Variants in DBT observed in about 807,000 individuals in gnomAD.
DBT encodes the protein dihydrolipoamide branched chain transacylase E2.
A neutral mutation model predicts 51.3 loss-of-function variants in DBT; 40 were observed. The ratio of observed to expected loss-of-function variants is 0.78; its 90% confidence interval spans 0.61 to 1.02. The LOEUF (loss-of-function observed/expected upper bound fraction) is 1.02, where lower values mean the gene tolerates loss of function less well. DBT is among the 50% of genes least tolerant of loss of function. The pLI is 0.00. For synonymous variants in DBT, 181 were observed against 190.4 expected (o/e 0.95, Z 0.41); for missense variants, 510 against 580.2 (o/e 0.88, Z 1.24).
chr1:100,213,364 G>A lies in DBT; in HGVS notation c.939+1453C>T, dbSNP rs59224651. Reference sequence around the variant, plus strand: ...TGGAGGCCGGCCAGGGCGACTACGCGTGAGGCCCGCACGGCTACGGCGCCA... The same window carrying A: ...TGGAGGCCGGCCAGGGCGACTACGCATGAGGCCCGCACGGCTACGGCGCCA... On this transcript the variant is annotated intron_variant, in intron 7 of 10. Transcript: ENST00000370132. The A allele has an allele frequency of 3.8e-3, 5,817 of 1,540,240 alleles. 182 individuals are homozygous for A. The African/African-American group carries it at 0.069, about 18-fold the overall frequency.
chr1:100,189,351 TAA>T lies in DBT; in HGVS notation c.*6902_*6903del, dbSNP rs71709231. On this transcript the variant is annotated 3_prime_UTR_variant, in exon 11 of 11. Coordinates refer to ENST00000370132, the MANE Select transcript of DBT (RefSeq NM_001918.5). ...CAGAGTGAGACTCCATCTCAAAAAT[TAA>T]AAAAAAAAAAAAAAAAAGCCTGTGG... The T allele has an allele frequency of 7.3e-3, 1,045 of 143,288 alleles. 3 individuals are homozygous for T. The highest frequency in any genetic ancestry group is 7.3e-3 in the Middle Eastern group (2 of 274). 8.9% of individuals were successfully genotyped at this position (143,288 alleles called of 1,614,324 possible).
chr1:100,205,647 A>C (rs1661712402), intron 10 of DBT, among the ~76,000 whole-genome samples: 1 of 152,246 alleles, frequency 6.6e-6, no homozygotes, highest in Admixed American at 6.5e-5. Context: ...AGACACATGC[A>C]CATGTATGTT....
chr1:100,222,982 A>G (rs975276817), intron 4 of DBT, among the ~76,000 whole-genome samples: 9 of 152,092 alleles, frequency 5.9e-5, no homozygotes, highest in African/African-American at 1.9e-4. Context: ...TTCTTAATCA[A>G]CTTGGTTATA....
intron 1 of DBT, 64 bp downstream of exon 1, chr1:100,249,706 C>G: frequency 2.0e-6 from 3 of 1,518,674 alleles, no homozygotes; most frequent in Non-Finnish European, 1.8e-6. Flanking sequence ...AGTAAAACAC[C>G]ACTCCTGGAT....
intron 7 of DBT, among the ~76,000 whole-genome samples, chr1:100,213,105 A>G (rs1483542790): frequency 6.6e-6 from 1 of 152,242 alleles, no homozygotes; most frequent in Non-Finnish European, 1.5e-5. Context: ...GTCCTTAACA[A>G]GTTTCTCAAC....
chr1:100,197,506 A>C (rs1309131581), intron 10 of DBT, among the ~76,000 whole-genome samples: 1 of 152,200 alleles, frequency 6.6e-6, no homozygotes, highest in Non-Finnish European at 1.5e-5. Context: ...GTAAGTTCAA[A>C]AGTGAGGTCC....
chr1:100,240,998 A>G, intron 1 of DBT, 114 bp from the exon 2 acceptor site: 1 of 1,049,624 alleles, frequency 9.5e-7, no homozygotes. Context: ...GTCACAATAG[A>G]AATATTATAT....
intron 8 of DBT, among the ~76,000 whole-genome samples, chr1:100,210,001 T>G (rs1287753710): frequency 2.6e-5 from 4 of 152,142 alleles, no homozygotes; most frequent in Non-Finnish European, 5.9e-5. Flanking sequence ...CTCACTTAAA[T>G]TATTCTTAAT....
chr1:100,190,057 C>T lies in DBT; in HGVS notation c.*6198G>A, dbSNP rs1057273292. ...TTAAATAGCTACATGTGGCTAGAGG[C>T]TACTGCATTAGACAGCTCAGAGTTC... On this transcript the variant is annotated 3_prime_UTR_variant, in exon 11 of 11. Transcript: ENST00000370132. 1.3e-5 allele frequency: 2 copies of T among 152,170 alleles called. No individual in the cohort carries two copies. Among genetic ancestry groups the T allele is most frequent in the Non-Finnish European group, 2.9e-5 (2 of 68,038 alleles). The allele number at this position is 152,170 out of a possible 1,614,324, so 9.4% of individuals were successfully genotyped here.
In DBT at chr1:100,211,167, G is replaced by A; in HGVS notation, c.940-396C>T. 3 of 775,212 alleles carry A rather than the reference G, an allele frequency of 3.9e-6. No homozygotes were observed. The South Asian group carries it at 4.1e-5, about 11-fold the overall frequency. The allele number at this position is 775,212 out of a possible 1,614,324, so 48.0% of individuals were successfully genotyped here. A position where few individuals can be genotyped will look rare whatever the true frequency, so the allele number is the denominator to read the frequency against. On this transcript the variant is annotated intron_variant, in intron 7 of 10. Coordinates refer to ENST00000370132, the MANE Select transcript of DBT (RefSeq NM_001918.5). ...AAAAAAGCAGGTAAGCTATTTCTCT[G>A]TGTGGAAAGAACACGTAACGAGGAT...
rs1426155499 is a variant in DBT, at chr1:100,196,280, G to T, written c.1424C>A (p.Ala475Asp). The change falls in exon 11 of 11, where the codon GCT becomes GAT. Residue 475 changes from alanine to aspartate, a missense_variant. Coordinates refer to ENST00000370132, the MANE Select transcript of DBT (RefSeq NM_001918.5). ...TCATTTCAGATCTAGTAGCATAAAA[G>T]CTGGGTTTTCTAAATAGGATTTCCA... ...NLWKSYLENP[A>D]FMLLDLK 6.2e-7 allele frequency: 1 copy of T among 1,613,818 alleles called. No individual in the cohort carries two copies. The highest frequency in any genetic ancestry group is 2.2e-5 in the East Asian group (1 of 44,860).
At chr1:100,243,746 C>G (rs1664368902) in intron 1 of DBT, among the ~76,000 whole-genome samples, 1 of 152,006 alleles carries the variant, frequency 6.6e-6, no homozygotes, top group African/African-American at 2.4e-5. Flanking sequence ...ATAAGTGGAA[C>G]AATCGAGCTC....
chr1:100,246,908 C>G (rs917770546), intron 1 of DBT, among the ~76,000 whole-genome samples: 6 of 152,234 alleles, frequency 3.9e-5, no homozygotes, highest in Admixed American at 1.3e-4. Context: ...GGTGTAACCC[C>G]GGGGATGAGG....
chr1:100,211,129 G>C (rs1662110821), intron 7 of DBT: 1 of 778,748 alleles, frequency 1.3e-6, no homozygotes, highest in Non-Finnish European at 2.4e-6. Flanking sequence ...GTAATACTAG[G>C]AATCAAAACA....
chr1:100,219,719 A>C (rs1662729868), intron 4 of DBT, among the ~76,000 whole-genome samples: 1 of 152,126 alleles, frequency 6.6e-6, no homozygotes, highest in South Asian at 2.1e-4. Context: ...ACGGCACTCT[A>C]GGTTGGGTGA....
chr1:100,234,141 G>GA (rs1213407650), intron 3 of DBT, among the ~76,000 whole-genome samples: 5 of 151,140 alleles, frequency 3.3e-5, no homozygotes. Context: ...ATGAAGTTAG[G>GA]AAAAAAAACA....
At chr1:100,208,972 C>A (rs1256751281) in intron 8 of DBT, among the ~76,000 whole-genome samples, 1 of 149,856 alleles carries the variant, frequency 6.7e-6, no homozygotes, top group Admixed American at 6.6e-5. Context: ...AATTCTATAT[C>A]TTGTAAAAAG....
intron 5 of DBT, among the ~76,000 whole-genome samples, chr1:100,216,797 A>AT (rs1428047151): frequency 6.6e-6 from 1 of 152,146 alleles, no homozygotes; most frequent in Non-Finnish European, 1.5e-5. Flanking sequence ...CAAATTAGTT[A>AT]TTTTTCTGGT....
chr1:100,212,238 T>A (rs952868734), intron 7 of DBT, among the ~76,000 whole-genome samples: 2 of 152,238 alleles, frequency 1.3e-5, no homozygotes, highest in African/African-American at 2.4e-5. Context: ...AGGTCATTTG[T>A]TCCCCCTCTA....
Sources: gnomAD v4.1 joint callset for allele counts (sites outside exome capture counted in the v4.1 genomes callset) on GRCh38, gnomAD v4.1.1 for gene constraint, MANE v1.5 for transcripts, NCBI Gene and HGNC (gene_info 2026-07-23, HGNC 2026-07-21) for gene names.